The following AP1S3 variants were observed in gnomAD, a reference collection of about 807,000 sequenced individuals.
AP1S3 encodes adaptor related protein complex 1 subunit sigma 3.
Under a neutral mutation model 20.9 loss-of-function variants are expected in AP1S3, and 10 were observed. That is an observed-to-expected ratio of 0.48 (90% confidence interval 0.29 to 0.81). AP1S3 has a LOEUF of 0.81. AP1S3 is among the 30% of genes least tolerant of loss of function. The pLI is 0.08. For missense variants in AP1S3, 154 were observed against 183.8 expected, an observed-to-expected ratio of 0.84 and a Z score of 0.94; for synonymous variants, 41 against 61.5, an observed-to-expected ratio of 0.67 and a Z score of 1.56.
At position 223,837,461 on chromosome 2, in the gene AP1S3, C is replaced by A; in HGVS notation, c.-11G>T. On this transcript the variant is annotated 5_prime_UTR_variant, in exon 1 of 5. Transcript: ENST00000396654. Reference sequence around the variant, plus strand: ...CCCCGCACTCACCATCGTGGCTGGGCCGCCGCCTCCCCCGCCTTGCGAGCA... The same window carrying A: ...CCCCGCACTCACCATCGTGGCTGGGACGCCGCCTCCCCCGCCTTGCGAGCA... 1 of 1,282,584 alleles carries A rather than the reference C, an allele frequency of 7.8e-7. No homozygotes were observed. The highest frequency in any genetic ancestry group is 9.9e-7 in the Non-Finnish European group (1 of 1,012,690). 79.5% of individuals were successfully genotyped at this position (1,282,584 alleles called of 1,614,324 possible).
rs754740556 is a variant in AP1S3 at position 223,775,882 on chromosome 2, C to G, written c.291+19G>C. The G allele has an allele frequency of 1.3e-6, 2 of 1,598,312 alleles. No individual in the cohort carries two copies. Among genetic ancestry groups the G allele is most frequent in the African/African-American group, 2.7e-5 (2 of 74,522 alleles). ...GATGGGGACTGTAGCTAATCCTAAC[C>G]GACAAGGACAACACTTACATTTCCA... On this transcript the variant is annotated intron_variant, in intron 3 of 4. Coordinates refer to ENST00000396654, the MANE Select transcript of AP1S3 (RefSeq NM_001039569.2).
chr2:223,827,756 G>C (rs1382216455), intron 1 of AP1S3, among the ~76,000 whole-genome samples: 1 of 128,352 alleles, frequency 7.8e-6, no homozygotes, highest in Non-Finnish European at 1.7e-5. Context: ...ATTTTCATTA[G>C]CTTTTCCCAT....
At chr2:223,801,501 A>G (rs1482125474) in intron 1 of AP1S3, among the ~76,000 whole-genome samples, 2 of 152,160 alleles carry the variant, frequency 1.3e-5, no homozygotes, top group Non-Finnish European at 2.9e-5. Context: ...TCTATTGTCC[A>G]GGCTGGAGTG....
At position 223,831,672 on chromosome 2, in the gene AP1S3, G is replaced by A. The variant is rs923434126; in HGVS notation, c.3+5776C>T. Among the ~76,000 whole-genome samples, 6 of 152,298 alleles carry A rather than the reference G, an allele frequency of 3.9e-5. No homozygotes were observed. In the East Asian group the frequency reaches 1.2e-3, roughly 29 times the overall value. ...GAGAGAGAAAAAGACAGGCCCCAGGGAAGAAATGAACCACAGAACCACAGT... is the reference window on the plus strand; with the variant it reads ...GAGAGAGAAAAAGACAGGCCCCAGGAAAGAAATGAACCACAGAACCACAGT... On this transcript the variant is annotated intron_variant, in intron 1 of 4. Transcript: ENST00000396654.
At chr2:223,760,010 T>C (rs964486089) in intron 4 of AP1S3, among the ~76,000 whole-genome samples, 1 of 152,004 alleles carries the variant, frequency 6.6e-6, no homozygotes, top group African/African-American at 2.4e-5. Context: ...AGCCATAATA[T>C]TTTTTTTCAG....
chr2:223,826,574 C>G (rs1692133495), intron 1 of AP1S3, among the ~76,000 whole-genome samples: 2 of 151,174 alleles, frequency 1.3e-5, no homozygotes, highest in East Asian at 2.0e-4. Flanking sequence ...GCTTGGGTGA[C>G]AGAGAGAGAC....
chr2:223,817,788 C>T (rs1195792235), intron 1 of AP1S3, among the ~76,000 whole-genome samples: 1 of 151,916 alleles, frequency 6.6e-6, no homozygotes, highest in Non-Finnish European at 1.5e-5. Flanking sequence ...CTAACTCTTA[C>T]TACTCTGATT....
Position 223,756,465 on chromosome 2 carries a change from G to T in AP1S3, c.*2250C>A. ...AAAGGAAGGAAAAGAAAGAAAGAAA[G>T]AAAAGAAAGAAAGAAAGAAAAAAAG... On this transcript the variant is annotated 3_prime_UTR_variant, in exon 5 of 5. Transcript: ENST00000396654. The T allele has an allele frequency of 1.1e-6, 1 of 911,022 alleles. No individual in the cohort carries two copies. The highest frequency in any genetic ancestry group is 1.3e-6 in the Non-Finnish European group (1 of 765,654). 56.4% of individuals were successfully genotyped at this position (911,022 alleles called of 1,614,324 possible). A position where few individuals can be genotyped will look rare whatever the true frequency, so the allele number is the denominator to read the frequency against.
At chr2:223,786,251 G>A (rs1028457485) in intron 1 of AP1S3, among the ~76,000 whole-genome samples, 8 of 152,166 alleles carry the variant, frequency 5.3e-5, no homozygotes, top group Non-Finnish European at 1.0e-4. Context: ...AATGATCATC[G>A]TTGCCTTGTT....
intron 1 of AP1S3, among the ~76,000 whole-genome samples, chr2:223,780,190 G>A (rs890813660): frequency 5.5e-4 from 82 of 148,440 alleles, no homozygotes; most frequent in Non-Finnish European, 1.0e-3. Context: ...GGCTCACTGC[G>A]GCTTCAACCT....
At chr2:223,777,629 T>C in intron 2 of AP1S3, 62 bp downstream of exon 2, 1 of 1,454,168 alleles carries the variant, frequency 6.9e-7, no homozygotes, top group Non-Finnish European at 9.3e-7. Context: ...ATCTAAAATG[T>C]TCAGGATTAG....
chr2:223,777,145 C>T (rs1288333087), intron 2 of AP1S3, among the ~76,000 whole-genome samples: 1 of 152,148 alleles, frequency 6.6e-6, no homozygotes, highest in Non-Finnish European at 1.5e-5. Flanking sequence ...CCTGTAATCC[C>T]AGCACTTTGG....
intron 1 of AP1S3, among the ~76,000 whole-genome samples, chr2:223,821,045 G>C (rs771329868): frequency 6.6e-6 from 1 of 152,148 alleles, no homozygotes; most frequent in Non-Finnish European, 1.5e-5. Flanking sequence ...CCATGCTCTT[G>C]AGAGAAACCC....
rs529548655 is a variant in AP1S3 at position 223,826,310 on chromosome 2, G to T, written c.3+11138C>A. 2.0e-4 allele frequency among the ~76,000 whole-genome samples: 23 copies of T among 114,572 alleles called. No individual in the cohort carries two copies. The East Asian group carries it at 5.8e-3, about 29-fold the overall frequency. The allele number at this position is 114,572 out of a possible 152,430, so 75.2% of individuals were successfully genotyped here. The stretch of plus-strand genomic sequence containing the variant: ...AAGTTGAATAAAACATTAATAACTT[G>T]CGGCAGGTATGGTGGCTTATGCCTG... On this transcript the variant is annotated intron_variant, in intron 1 of 4. Transcript: ENST00000396654.
intron 1 of AP1S3, among the ~76,000 whole-genome samples, chr2:223,782,183 T>C (rs141046206): frequency 0.031 from 4,721 of 152,138 alleles, 96 homozygotes; most frequent in Non-Finnish European, 0.046. Context: ...CAGCTAATTT[T>C]TGTATTTTTA....
At chr2:223,804,287 T>C (rs905791408) in intron 1 of AP1S3, among the ~76,000 whole-genome samples, 4 of 152,186 alleles carry the variant, frequency 2.6e-5, no homozygotes, top group African/African-American at 9.6e-5. Flanking sequence ...AACCTGGGGA[T>C]GTACCCACTA....
At chr2:223,765,167 A>ATCT (rs768255314) in intron 4 of AP1S3, 46 bp downstream of exon 4, 1 of 1,606,162 alleles carries the variant, frequency 6.2e-7, no homozygotes, top group African/African-American at 1.3e-5. Flanking sequence ...CACCATCATC[A>ATCT]TCATCATCAT....
At chr2:223,764,574 C>T (rs1006565107) in intron 4 of AP1S3, among the ~76,000 whole-genome samples, 3 of 152,070 alleles carry the variant, frequency 2.0e-5, no homozygotes, top group African/African-American at 7.2e-5. Flanking sequence ...CCCATTTATA[C>T]CTTGGCAAGC....
rs551050637 is a variant in AP1S3, at chr2:223,819,446, T to C, written c.3+18002A>G. On this transcript the variant is annotated intron_variant, in intron 1 of 4. Transcript: ENST00000396654. ...TGCCAAATATTTTAATTCGTTCTTT[T>C]AAAATGCAGAAATCTAACCCAATTT... 5.3e-5 allele frequency among the ~76,000 whole-genome samples: 8 copies of C among 152,300 alleles called. No homozygotes were observed. The South Asian group carries it at 1.7e-3, about 32-fold the overall frequency.
Sources: gnomAD v4.1 joint callset for allele counts (sites outside exome capture counted in the v4.1 genomes callset) on GRCh38, gnomAD v4.1.1 for gene constraint, MANE v1.5 for transcripts, NCBI Gene and HGNC (gene_info 2026-07-23, HGNC 2026-07-21) for gene names.